Variants in ABHD6 observed in about 807,000 individuals in gnomAD.
ABHD6 encodes abhydrolase domain containing 6, acylglycerol lipase.
A neutral mutation model predicts 38.8 loss-of-function variants in ABHD6; 33 were observed. The ratio of observed to expected loss-of-function variants is 0.85; its 90% confidence interval spans 0.64 to 1.14. ABHD6 has a LOEUF of 1.14. Ranked by LOEUF, ABHD6 falls within the 50% of genes most tolerant of loss-of-function variation. ABHD6 has a pLI of 0.00. For synonymous variants in ABHD6, 147 were observed against 161.6 expected (o/e 0.91, Z 0.69); for missense variants, 380 against 422.6 (o/e 0.90, Z 0.88).
intron 1 of ABHD6, among the ~76,000 whole-genome samples, chr3:58,242,150 GA>G (rs926277471): frequency 2.7e-4 from 41 of 152,168 alleles, no homozygotes; most frequent in African/African-American, 9.7e-4. Flanking sequence ...AGGTGTGGGA[GA>G]GCACGGCATG....
intron 7 of ABHD6, among the ~76,000 whole-genome samples, chr3:58,278,294 A>C (rs1195787484): frequency 6.6e-6 from 1 of 152,208 alleles, no homozygotes; most frequent in African/African-American, 2.4e-5. Context: ...TTATTAGTCT[A>C]TTCAGAGATT....
chr3:58,290,535 T>C (rs2107482244), intron 9 of ABHD6, among the ~76,000 whole-genome samples: 2 of 133,622 alleles, frequency 1.5e-5, no homozygotes, highest in South Asian at 5.3e-4. Context: ...CCCACCTCCC[T>C]CCCGGACGGG....
intron 1 of ABHD6, among the ~76,000 whole-genome samples, chr3:58,248,615 T>C (rs2097427983): frequency 6.6e-6 from 1 of 152,178 alleles, no homozygotes; most frequent in East Asian, 1.9e-4. Context: ...GGAGAATCGC[T>C]TGAACCCGGG....
chr3:58,291,548 C>T (rs1011134741), intron 9 of ABHD6, among the ~76,000 whole-genome samples: 1 of 152,148 alleles, frequency 6.6e-6, no homozygotes, highest in Non-Finnish European at 1.5e-5. Context: ...TGTGAGCCAC[C>T]ACACCCAGCC....
At chr3:58,291,827 C>T (rs2097463252) in intron 9 of ABHD6, among the ~76,000 whole-genome samples, 1 of 152,170 alleles carries the variant, frequency 6.6e-6, no homozygotes, top group South Asian at 2.1e-4. Flanking sequence ...GCGTACCTGT[C>T]ATCCCAGCTA....
intron 7 of ABHD6, among the ~76,000 whole-genome samples, chr3:58,276,636 A>C (rs553146061): frequency 6.6e-6 from 1 of 152,198 alleles, no homozygotes; most frequent in South Asian, 2.1e-4. Context: ...CCATTCGTCT[A>C]TTTTGGCTTT....
intron 9 of ABHD6, among the ~76,000 whole-genome samples, chr3:58,290,594 C>T (rs1399207522): frequency 4.1e-5 from 6 of 146,080 alleles, no homozygotes; most frequent in East Asian, 4.4e-4. Context: ...GGGTGGCTGC[C>T]GGGCGGAGGG....
In ABHD6 at chr3:58,278,736, T is replaced by G. The variant is rs560641699; in HGVS notation, c.681+3921T>G. On this transcript the variant is annotated intron_variant, in intron 7 of 9. Coordinates refer to ENST00000478253, the MANE Select transcript of ABHD6 (RefSeq NM_001320126.2). Reference sequence around the variant, plus strand: ...CTTTCTTGCTTTCTCTTGTGGGCATTTAGTGCTATAAATTTCCCTCTACAC... The same window carrying G: ...CTTTCTTGCTTTCTCTTGTGGGCATGTAGTGCTATAAATTTCCCTCTACAC... Among the ~76,000 whole-genome samples the G allele has an allele frequency of 8.5e-5, 13 of 152,320 alleles. No homozygotes were observed. In the South Asian group the frequency reaches 2.7e-3, roughly 32 times the overall value.
Position 58,287,354 on chromosome 3 carries a change from CTGGCAGGAGGTCACACTG to C in ABHD6, c.837+1906_837+1923del, listed in dbSNP as rs2097458244. ...TTTACCTAAATGCATCAATTTTTAACTGGCAGGAGGTCACACTGTGGCCACAAAGACCCACAAGTGCAT... is the reference window on the plus strand; with the variant it reads ...TTTACCTAAATGCATCAATTTTTAACTGGCCACAAAGACCCACAAGTGCAT... On this transcript the variant is annotated intron_variant, in intron 9 of 9. Transcript: ENST00000478253. This position sits in a 1 kb window ranked among gnomAD's most constrained non-coding sequence, Gnocchi z 4.7. 6.6e-6 allele frequency among the ~76,000 whole-genome samples: 1 copy of C among 151,970 alleles called. No homozygotes were observed. The highest frequency in any genetic ancestry group is 1.5e-5 in the Non-Finnish European group (1 of 67,874).
In ABHD6 at chr3:58,256,032, C is replaced by CT; in HGVS notation, c.-25-530_-25-529insT. Among the ~76,000 whole-genome samples the CT allele has an allele frequency of 6.6e-6, 1 of 151,364 alleles. No homozygotes were observed. Among genetic ancestry groups the CT allele is most frequent in the Admixed American group, 6.6e-5 (1 of 15,094 alleles). ...TTCACCTGGATTCCCCAGTGGTTAGCATTTTACCATATTTGCTTTATTTCT... is the reference window on the plus strand; with the variant it reads ...TTCACCTGGATTCCCCAGTGGTTAGCTATTTTACCATATTTGCTTTATTTCT... On this transcript the variant is annotated intron_variant, in intron 2 of 9. Transcript: ENST00000478253. This position sits in a 1 kb window ranked among gnomAD's most constrained non-coding sequence, Gnocchi z 4.3.
chr3:58,288,453 T>C (rs570779040), intron 9 of ABHD6, among the ~76,000 whole-genome samples: 1 of 152,316 alleles, frequency 6.6e-6, no homozygotes, highest in East Asian at 1.9e-4. Context: ...GTTCAGTCCA[T>C]CAAAATGGGA....
intron 1 of ABHD6, among the ~76,000 whole-genome samples, chr3:58,242,560 G>C (rs537397718): frequency 2.0e-4 from 31 of 152,168 alleles, no homozygotes; most frequent in Non-Finnish European, 4.4e-4. Context: ...TCAGCAGTTG[G>C]TTTTGTTTCA....
At position 58,256,536 on chromosome 3, in the gene ABHD6, A is replaced by G. The variant is rs201838419; in HGVS notation, c.-25-26A>G. 615 of 1,362,278 alleles carry G rather than the reference A, an allele frequency of 4.5e-4. 2 individuals are homozygous for G. The highest frequency in any genetic ancestry group is 3.7e-3 in the South Asian group (304 of 82,254). The allele number at this position is 1,362,278 out of a possible 1,614,324, so 84.4% of individuals were successfully genotyped here. A position where few individuals can be genotyped will look rare whatever the true frequency, so the allele number is the denominator to read the frequency against. On this transcript the variant is annotated intron_variant, in intron 2 of 9. Transcript: ENST00000478253. This position sits in a 1 kb window ranked among gnomAD's most constrained non-coding sequence, Gnocchi z 4.3. The stretch of plus-strand genomic sequence containing the variant: ...TTTTCCTTTGATACAGAGTTTTAAT[A>G]TCGTCATTCTCTTTGGCCCCTGCAG...
chr3:58,256,769 C>A lies in ABHD6; in HGVS notation c.119+64C>A. 1 of 1,306,118 alleles carries A rather than the reference C, an allele frequency of 7.7e-7. No homozygotes were observed. Among genetic ancestry groups the A allele is most frequent in the South Asian group, 1.3e-5 (1 of 79,994 alleles). The allele number at this position is 1,306,118 out of a possible 1,614,324, so 80.9% of individuals were successfully genotyped here. A position where few individuals can be genotyped will look rare whatever the true frequency, so the allele number is the denominator to read the frequency against. ...TAATATTGACATCTTCTCTGCTTGT[C>A]CTTTTTGTGGTTATTGTCCAACATT... On this transcript the variant is annotated intron_variant, in intron 3 of 9. Coordinates refer to ENST00000478253, the MANE Select transcript of ABHD6 (RefSeq NM_001320126.2). The surrounding 1 kb of genome is among the most constrained non-coding windows in gnomAD (Gnocchi z 4.3).
At chr3:58,245,585 C>G (rs538842322) in intron 1 of ABHD6, among the ~76,000 whole-genome samples, 152 of 152,128 alleles carry the variant, frequency 1.0e-3, no homozygotes, top group Non-Finnish European at 1.7e-3. Flanking sequence ...TCAAGTCCAG[C>G]CTGGCCAACA....
chr3:58,282,863 T>G (rs1014475178), intron 7 of ABHD6, among the ~76,000 whole-genome samples: 2 of 152,198 alleles, frequency 1.3e-5, no homozygotes, highest in East Asian at 3.8e-4. Context: ...GGCCTCCAAG[T>G]GCAGAGGTCA....
At chr3:58,272,940 A>T (rs915997691) in intron 6 of ABHD6, among the ~76,000 whole-genome samples, 1 of 152,152 alleles carries the variant, frequency 6.6e-6, no homozygotes, top group African/African-American at 2.4e-5. Context: ...TACCACAGTA[A>T]ATTTTTTCAC....
intron 1 of ABHD6, among the ~76,000 whole-genome samples, chr3:58,243,174 A>G (rs552344081): frequency 5.3e-5 from 8 of 152,324 alleles, no homozygotes; most frequent in African/African-American, 1.4e-4. Flanking sequence ...TAGTGCTGCA[A>G]TAAACATATG....
At chr3:58,274,852 C>G in intron 7 of ABHD6, 37 bp downstream of exon 7, 1 of 1,602,894 alleles carries the variant, frequency 6.2e-7, no homozygotes, top group South Asian at 1.1e-5. Context: ...CTACCCTCCC[C>G]AGAGGCCCGG....
Sources: allele counts gnomAD v4.1 joint callset (sites outside exome capture counted in the v4.1 genomes callset), GRCh38; gene constraint gnomAD v4.1.1; non-coding constraint Gnocchi (gnomAD v3.1); transcripts MANE v1.5; gene names NCBI Gene and HGNC (gene_info 2026-07-23, HGNC 2026-07-21).